The following DSG2 variants were observed in gnomAD, a reference collection of about 807,000 sequenced individuals.
The protein encoded by DSG2 is desmoglein-2.
A neutral mutation model predicts 75.6 loss-of-function variants in DSG2; 45 were observed. The ratio of observed to expected loss-of-function variants is 0.60; its 90% CI spans 0.47 to 0.76. The LOEUF (loss-of-function observed/expected upper bound fraction) is 0.76. DSG2 is among the 30% of genes least tolerant of loss of function. The probability of loss-of-function intolerance (pLI) is 0.00; values close to 1 mark genes in which losing one functional copy is unlikely to be tolerated. For missense variants in DSG2, 1,267 were observed against 1,357.4 expected, an observed-to-expected ratio of 0.93 and a Z score of 1.05; for synonymous variants, 429 against 483.9, an observed-to-expected ratio of 0.89 and a Z score of 1.49.
Position 31,510,606 on chromosome 18 carries a change from T to C in DSG2, c.46-7633T>C, listed in dbSNP as rs141996240. Among the ~76,000 whole-genome samples the C allele has an allele frequency of 4.1e-3, 626 of 152,220 alleles. 5 individuals are homozygous for C. The highest frequency in any genetic ancestry group is 0.014 in the African/African-American group (593 of 41,538). On this transcript the variant is annotated intron_variant, in intron 1 of 14. Transcript: ENST00000261590. ...CCTCTGCAGGAAAAAAAAAAAAATC[T>C]TTTGCCAGATACCAGGAAGTCCAGT...
chr18:31,519,659 C>T, intron 2 of DSG2, 144 bp from the exon 3 acceptor site: 1 of 835,818 alleles, frequency 1.2e-6, no homozygotes, highest in Non-Finnish European at 1.9e-6. Context: ...TATATATTCC[C>T]TTTTAGACAA....
chr18:31,547,325 G>A lies in DSG2; in HGVS notation c.*582G>A. 1 of 191,998 alleles carries A rather than the reference G, an allele frequency of 5.2e-6. No homozygotes were observed. Among genetic ancestry groups the A allele is most frequent in the East Asian group, 1.2e-4 (1 of 8,124 alleles). The allele number at this position is 191,998 out of a possible 1,614,324, so 11.9% of individuals were successfully genotyped here. On this transcript the variant is annotated 3_prime_UTR_variant, in exon 15 of 15. Transcript: ENST00000261590. ...TTGATGATAAGAATACACATTGTATGTTTCTGTGCACATGACAGTGTGTGT... is the reference window on the plus strand; with the variant it reads ...TTGATGATAAGAATACACATTGTATATTTCTGTGCACATGACAGTGTGTGT...
intron 8 of DSG2, 21 bp from the exon 9 acceptor site, chr18:31,530,966 C>G: frequency 6.2e-7 from 1 of 1,612,642 alleles, no homozygotes; most frequent in Admixed American, 1.7e-5. Context: ...GAAAAGAATT[C>G]CCTTTGGTTT....
intron 1 of DSG2, among the ~76,000 whole-genome samples, chr18:31,502,816 G>A (rs1327539979): frequency 6.6e-6 from 1 of 151,758 alleles, no homozygotes; most frequent in East Asian, 1.9e-4. Flanking sequence ...AAGGAAGGAA[G>A]GAACTTTAAC....
intron 9 of DSG2, among the ~76,000 whole-genome samples, chr18:31,531,814 C>G (rs2073200714): frequency 6.6e-6 from 1 of 152,228 alleles, no homozygotes. Context: ...CTACAAGATG[C>G]TCACTGTGTT....
intron 9 of DSG2, among the ~76,000 whole-genome samples, chr18:31,534,101 C>T (rs1483182674): frequency 6.7e-6 from 1 of 150,344 alleles, no homozygotes; most frequent in East Asian, 2.0e-4. Context: ...AGCAGTTCTG[C>T]TTCAGCCTCC....
chr18:31,518,224 A>G lies in DSG2; in HGVS notation c.46-15A>G. On this transcript the variant is annotated splice_polypyrimidine_tract_variant and intron_variant, in intron 1 of 14. Coordinates refer to ENST00000261590, the MANE Select transcript of DSG2 (RefSeq NM_001943.5). ...GCAGTAAATTGGCTAAATATCAAATAATTTTATTTTACAGATCTGCTTTAA... is the reference window on the plus strand; with the variant it reads ...GCAGTAAATTGGCTAAATATCAAATGATTTTATTTTACAGATCTGCTTTAA... 6.2e-7 allele frequency: 1 copy of G among 1,607,642 alleles called. No homozygotes were observed. Among genetic ancestry groups the G allele is most frequent in the South Asian group, 1.1e-5 (1 of 90,898 alleles).
chr18:31,531,716 A>C (rs1019546123), intron 9 of DSG2, among the ~76,000 whole-genome samples: 3 of 152,182 alleles, frequency 2.0e-5, no homozygotes, highest in Non-Finnish European at 4.4e-5. Context: ...ATTTAAACCT[A>C]TTTGTTTCAG....
intron 14 of DSG2, among the ~76,000 whole-genome samples, chr18:31,543,981 G>A (rs950275165): frequency 2.6e-5 from 4 of 152,042 alleles, no homozygotes; most frequent in African/African-American, 9.7e-5. Flanking sequence ...TCATCAGGAG[G>A]CCTGAAACTC....
At position 31,541,264 on chromosome 18, in the gene DSG2, A is replaced by G; in HGVS notation, c.1951A>G (p.Ile651Val). 1.2e-6 allele frequency: 2 copies of G among 1,614,196 alleles called. No individual in the cohort carries two copies. Among genetic ancestry groups the G allele is most frequent in the Non-Finnish European group, 1.7e-6 (2 of 1,180,016 alleles). Residue 651 changes from isoleucine (I) to valine (V), a missense_variant, in exon 13 of 15, where the codon ATA (isoleucine) becomes GTA (valine). Transcript: ENST00000261590. The stretch of plus-strand genomic sequence containing the variant: ...AGGCTTTACCCCCATACCTGGCACC[A>G]TAGAGATGCTGCATCCTTGGAATAA... The part of the protein sequence containing the change: ...AKGFTPIPGT[I>V]EMLHPWNNEG...
intron 1 of DSG2, among the ~76,000 whole-genome samples, chr18:31,516,929 T>C (rs1052282493): frequency 6.6e-6 from 1 of 152,232 alleles, no homozygotes; most frequent in African/African-American, 2.4e-5. Context: ...CCTGTCCAAA[T>C]GGGTAGCCCT....
At chr18:31,515,109 G>A (rs1598807290) in intron 1 of DSG2, among the ~76,000 whole-genome samples, 2 of 151,906 alleles carry the variant, frequency 1.3e-5, no homozygotes, top group South Asian at 4.1e-4. Flanking sequence ...AAATTTTTTT[G>A]TTTGTTTGTT....
In DSG2 at chr18:31,535,382, T is replaced by C; in HGVS notation, c.1393T>C (p.Tyr465His). The C allele has an allele frequency of 1.9e-6, 3 of 1,612,058 alleles. No homozygotes were observed. Among genetic ancestry groups the C allele is most frequent in the Non-Finnish European group, 2.5e-6 (3 of 1,178,506 alleles). The stretch of plus-strand genomic sequence containing the variant: ...ATCTAGATATGTTCAAAATGGCACA[T>C]ACACTGTAAAGATTGTGGCCATATC... ...FESRYVQNGT[Y>H]TVKIVAISED... Residue 465 changes from tyrosine (Y) to histidine (H), a missense_variant, in exon 10 of 15, where the codon TAC (tyrosine) becomes CAC (histidine). Coordinates refer to ENST00000261590, the MANE Select transcript of DSG2 (RefSeq NM_001943.5).
In DSG2 at chr18:31,539,082, C is replaced by T. The variant is rs76063793; in HGVS notation, c.1879+104C>T. The stretch of plus-strand genomic sequence containing the variant: ...TGATTTCTTCACAGTTATTCTTTAA[C>T]CACACTAGAGCACTTTGAGGGTGAA... On this transcript the variant is annotated intron_variant, in intron 12 of 14. Coordinates refer to ENST00000261590, the MANE Select transcript of DSG2 (RefSeq NM_001943.5). 6.0e-4 allele frequency: 687 copies of T among 1,136,488 alleles called. 3 individuals are homozygous for T. In the African/African-American group the frequency reaches 9.0e-3, roughly 15 times the overall value. The allele number at this position is 1,136,488 out of a possible 1,614,324, so 70.4% of individuals were successfully genotyped here.
rs794728081 is a variant in DSG2, at chr18:31,542,630, T to G, written c.2112T>G (p.Ile704Met). 1 of 1,614,054 alleles carries G rather than the reference T, an allele frequency of 6.2e-7. No homozygotes were observed. Among genetic ancestry groups the G allele is most frequent in the Non-Finnish European group, 8.5e-7 (1 of 1,180,010 alleles). Residue 704 changes from isoleucine to methionine, a missense_variant, in exon 14 of 15, where the codon ATT becomes ATG. Ile to Met is a conservative substitution (Grantham distance 10, BLOSUM62 1). Coordinates refer to ENST00000261590, the MANE Select transcript of DSG2 (RefSeq NM_001943.5). ...ATMKGSSSAS[I>M]VKGQHEMSEM... ...TGAAAGGAAGTAGCTCTGCTTCCATTGTCAAAGGGCAACATGAGATGTCCG... is the reference window on the plus strand; with the variant it reads ...TGAAAGGAAGTAGCTCTGCTTCCATGGTCAAAGGGCAACATGAGATGTCCG...
At chr18:31,538,110 T>TA (rs34339993) in intron 11 of DSG2, among the ~76,000 whole-genome samples, 20,334 of 151,888 alleles carry the variant, frequency 0.13, 1,600 homozygotes, top group African/African-American at 0.22. Flanking sequence ...TAAGAAACTT[T>TA]AAAAAAAAGA....
In DSG2 at chr18:31,546,277, CAGAG is replaced by C; in HGVS notation, c.2894_2897del (p.Glu965GlyfsTer10). 2 of 1,602,200 alleles carry C rather than the reference CAGAG, an allele frequency of 1.2e-6. No individual in the cohort carries two copies. Among genetic ancestry groups the C allele is most frequent in the South Asian group, 2.2e-5 (2 of 88,952 alleles). The stretch of plus-strand genomic sequence containing the variant: ...AGCCAGCCACAGAGCCTTATTGTGA[CAGAG>C]AGGGTGTATGCTCCAGCTTCTACCT... On this transcript the variant is annotated frameshift_variant, in exon 15 of 15. Coordinates refer to ENST00000261590, the MANE Select transcript of DSG2 (RefSeq NM_001943.5). LOFTEE classifies it low-confidence loss of function (END_TRUNC).
intron 5 of DSG2, among the ~76,000 whole-genome samples, chr18:31,521,791 A>G (rs1429968393): frequency 2.6e-5 from 4 of 152,158 alleles, no homozygotes; most frequent in African/African-American, 9.7e-5. Context: ...GTACCTGCTC[A>G]TGTTACTTTC....
At chr18:31,511,555 A>G (rs1214247450) in intron 1 of DSG2, among the ~76,000 whole-genome samples, 5 of 152,216 alleles carry the variant, frequency 3.3e-5, no homozygotes, top group Admixed American at 6.5e-5. Context: ...CAATTGACAA[A>G]ATGTTAGTGC....
Sources: gnomAD v4.1 joint callset for allele counts (sites outside exome capture counted in the v4.1 genomes callset) on GRCh38, gnomAD v4.1.1 for gene constraint, MANE v1.5 for transcripts, NCBI Gene and HGNC (gene_info 2026-07-23, HGNC 2026-07-21) for gene names.